The following TECPR2 variants were observed in gnomAD, a reference collection of about 807,000 sequenced individuals.
TECPR2 encodes tectonin beta-propeller repeat containing 2.
In TECPR2, 65 loss-of-function variants were observed where a neutral mutation model predicts 138.1. That is an observed-to-expected ratio of 0.47 (90% confidence interval 0.39 to 0.58). The LOEUF is 0.58. TECPR2 is among the 20% of genes least tolerant of loss of function. The probability of loss-of-function intolerance (pLI) is 0.00; values close to 1 mark genes in which losing one functional copy is unlikely to be tolerated. For missense variants in TECPR2, 1,553 were observed against 1,824.5 expected, an observed-to-expected ratio of 0.85 and a Z score of 2.71; for synonymous variants, 746 against 749.8, an observed-to-expected ratio of 0.99 and a Z score of 0.08.
At chr14:102,424,524 A>G (rs772681375) in intron 5 of TECPR2, among the ~76,000 whole-genome samples, 2 of 152,212 alleles carry the variant, frequency 1.3e-5, no homozygotes, top group East Asian at 3.9e-4. Context: ...TAGTAGAGGC[A>G]TGGTTTCACC....
chr14:102,433,156 A>G (rs747075260), intron 8 of TECPR2, among the ~76,000 whole-genome samples: 1 of 152,022 alleles, frequency 6.6e-6, no homozygotes, highest in Non-Finnish European at 1.5e-5. Flanking sequence ...ATGCTACCAA[A>G]TATGGGATTT....
In TECPR2 at chr14:102,497,726, G is replaced by C; in HGVS notation, c.4081+7G>C. ...AGCGTGTCGTGTTTCACAGGCAGGT[G>C]CCCGGGGCCAGTGGGCTTAAGGCCC... On this transcript the variant is annotated splice_region_variant and intron_variant, in intron 19 of 19. Transcript: ENST00000359520. 1 of 1,598,334 alleles carries C rather than the reference G, an allele frequency of 6.3e-7. No homozygotes were observed. Among genetic ancestry groups the C allele is most frequent in the Non-Finnish European group, 8.5e-7 (1 of 1,170,740 alleles).
At chr14:102,476,046 A>G (rs1348940311) in intron 17 of TECPR2, among the ~76,000 whole-genome samples, 1 of 152,034 alleles carries the variant, frequency 6.6e-6, no homozygotes. Flanking sequence ...ATCTCTACTA[A>G]AAATACAAAA....
At chr14:102,486,839 T>C (rs1891038537) in intron 17 of TECPR2, among the ~76,000 whole-genome samples, 1 of 152,126 alleles carries the variant, frequency 6.6e-6, no homozygotes, top group Non-Finnish European at 1.5e-5. Flanking sequence ...CCTATTAACA[T>C]GGGTATCGGG....
At chr14:102,382,822 G>C (rs558971459) in intron 2 of TECPR2, among the ~76,000 whole-genome samples, 1 of 151,714 alleles carries the variant, frequency 6.6e-6, no homozygotes, top group African/African-American at 2.4e-5. Flanking sequence ...GCAATGGTGC[G>C]ATCTCGGCTC....
chr14:102,448,677 C>T (rs972873366), intron 13 of TECPR2, among the ~76,000 whole-genome samples: 1 of 151,172 alleles, frequency 6.6e-6, no homozygotes, highest in African/African-American at 2.4e-5. Context: ...ACCAGCCTGG[C>T]CAACATGGTG....
At chr14:102,412,123 C>CTTTTT (rs751930335) in intron 4 of TECPR2, among the ~76,000 whole-genome samples, 3 of 90,672 alleles carry the variant, frequency 3.3e-5, no homozygotes, top group African/African-American at 4.6e-5. Flanking sequence ...AATGTTGACA[C>CTTTTT]TTTTTTTTTT....
At chr14:102,492,114 T>C (rs922429066) in intron 17 of TECPR2, among the ~76,000 whole-genome samples, 7 of 152,218 alleles carry the variant, frequency 4.6e-5, no homozygotes, top group Admixed American at 4.6e-4. Context: ...GCTCTTCCTC[T>C]TTTAAAGAGC....
Position 102,470,458 on chromosome 14 carries a change from C to T in TECPR2, c.3789+5169C>T, listed in dbSNP as rs961467396. Among the ~76,000 whole-genome samples the T allele has an allele frequency of 2.8e-4, 43 of 151,912 alleles. 1 individual carries two copies. In the Middle Eastern group the frequency reaches 0.014, roughly 48 times the overall value. ...TAGTAGCTGGGACTACAGGCATGTA[C>T]CACCACACGCAGCTAATTTTTCTAT... On this transcript the variant is annotated intron_variant, in intron 17 of 19. Coordinates refer to ENST00000359520, the MANE Select transcript of TECPR2 (RefSeq NM_014844.5).
intron 3 of TECPR2, among the ~76,000 whole-genome samples, 183 bp downstream of exon 3, chr14:102,407,649 G>A (rs1359427314): frequency 6.6e-6 from 1 of 152,126 alleles, no homozygotes; most frequent in Non-Finnish European, 1.5e-5. Flanking sequence ...TGATCACGAG[G>A]TCAAGAGATC....
At chr14:102,404,941 T>C (rs1485815383) in intron 2 of TECPR2, among the ~76,000 whole-genome samples, 1 of 151,934 alleles carries the variant, frequency 6.6e-6, no homozygotes, top group Non-Finnish European at 1.5e-5. Context: ...TTTCAACAAA[T>C]GGTATAGGGG....
chr14:102,452,357 A>G lies in TECPR2; in HGVS notation c.3407-37A>G, dbSNP rs765523193. The G allele has an allele frequency of 8.8e-6, 14 of 1,586,866 alleles. No individual in the cohort carries two copies. The South Asian group carries it at 1.5e-4, about 16-fold the overall frequency. On this transcript the variant is annotated intron_variant, in intron 15 of 19. Transcript: ENST00000359520. ...ATTTAGGGCAGGCGGCTTGGTGCAG[A>G]CAACACCTCGATGACAAACATGACC... is the stretch of plus-strand genomic sequence containing the variant.
intron 17 of TECPR2, among the ~76,000 whole-genome samples, chr14:102,487,866 A>G (rs1891069077): frequency 1.5e-5 from 2 of 131,414 alleles, no homozygotes; most frequent in Non-Finnish European, 3.2e-5. Flanking sequence ...TTTGATACGG[A>G]GTTTCACTCT....
At chr14:102,437,897 G>T in intron 9 of TECPR2, 125 bp from the exon 10 acceptor site, 1 of 1,101,798 alleles carries the variant, frequency 9.1e-7, no homozygotes, top group Non-Finnish European at 1.3e-6. Flanking sequence ...GGGTTGACTT[G>T]GCGTCTTGCT....
chr14:102,405,880 C>G (rs1888645265), intron 2 of TECPR2, among the ~76,000 whole-genome samples: 2 of 152,196 alleles, frequency 1.3e-5, no homozygotes, highest in Non-Finnish European at 2.9e-5. Context: ...TGTGCTATAA[C>G]ACGGATGAAC....
intron 16 of TECPR2, among the ~76,000 whole-genome samples, chr14:102,459,569 A>G (rs1890355246): frequency 6.6e-6 from 1 of 152,124 alleles, no homozygotes; most frequent in Non-Finnish European, 1.5e-5. Context: ...CACGAGATCA[A>G]GACTATCCTG....
At chr14:102,453,685 G>A (rs573938070) in intron 16 of TECPR2, among the ~76,000 whole-genome samples, 1 of 152,266 alleles carries the variant, frequency 6.6e-6, no homozygotes, top group South Asian at 2.1e-4. Context: ...CCCTGCACTT[G>A]CAGCAGGACT....
At chr14:102,460,718 G>A (rs1025483332) in intron 16 of TECPR2, among the ~76,000 whole-genome samples, 5 of 139,076 alleles carry the variant, frequency 3.6e-5, no homozygotes, top group African/African-American at 1.4e-4. Context: ...TTTTTGAGAC[G>A]GAGTCTCGCT....
Position 102,415,929 on chromosome 14 carries a change from G to A in TECPR2, c.638+1136G>A, listed in dbSNP as rs969594263. Among the ~76,000 whole-genome samples the A allele has an allele frequency of 1.3e-5, 2 of 152,128 alleles. No homozygotes were observed. The highest frequency in any genetic ancestry group is 2.9e-5 in the Non-Finnish European group (2 of 68,020). ...CTGGTGGTGCCGTTGGGGACAGGCC[G>A]TCCTGGAGAGTCGGGTGAGGCGGAG... On this transcript the variant is annotated intron_variant, in intron 5 of 19. Transcript: ENST00000359520. This position sits in a 1 kb window ranked among gnomAD's most constrained non-coding sequence, Gnocchi z 4.3.
Sources: allele counts gnomAD v4.1 joint callset (sites outside exome capture counted in the v4.1 genomes callset), GRCh38; gene constraint gnomAD v4.1.1; non-coding constraint Gnocchi (gnomAD v3.1); transcripts MANE v1.5; gene names NCBI Gene and HGNC (gene_info 2026-07-23, HGNC 2026-07-21).